DOCK8: variants seen among roughly 807,000 people sequenced by gnomAD.
The protein encoded by DOCK8 is dedicator of cytokinesis 8, also known as dedicator of cytokinesis protein 8.
DOCK8 carries 141 observed loss-of-function variants against 245.6 expected under a neutral mutation model. That is an observed-to-expected ratio of 0.57 (90% CI 0.50 to 0.66). The LOEUF is 0.66. Among genes scored for constraint, DOCK8 ranks in the 30% least tolerant of loss-of-function variants. The pLI, the probability that DOCK8 is intolerant of heterozygous loss-of-function variation, is 0.00. For missense variants in DOCK8, 2,965 were observed against 2,603.4 expected (o/e 1.14, Z -3.02); for synonymous variants, 1,168 against 970.2 (o/e 1.20, Z -3.79).
chr9:317,867 A>G (rs1563916751), intron 7 of DOCK8, among the ~76,000 whole-genome samples: 1 of 152,184 alleles, frequency 6.6e-6, no homozygotes, highest in Non-Finnish European at 1.5e-5. Context: ...TATAAACACC[A>G]TATAATTAAA....
chr9:245,869 A>G (rs2047494043), intron 1 of DOCK8, among the ~76,000 whole-genome samples: 1 of 152,202 alleles, frequency 6.6e-6, no homozygotes, highest in South Asian at 2.1e-4. Flanking sequence ...ACAAAATGAT[A>G]GGGGACTTTG....
Position 353,772 on chromosome 9 carries a change from G to T in DOCK8, c.1679+13451G>T, listed in dbSNP as rs149083871. Among the ~76,000 whole-genome samples, 1,116 of 152,258 alleles carry T rather than the reference G, an allele frequency of 7.3e-3. 6 individuals are homozygous for T. The highest frequency in any genetic ancestry group is 0.012 in the Non-Finnish European group (818 of 68,024). The stretch of plus-strand genomic sequence containing the variant: ...GTCTTGAGCAAAGCCAAGTATTATT[G>T]AAATGTTTATTTTGTTTTTATCTGC... On this transcript the variant is annotated intron_variant, in intron 14 of 47. Transcript: ENST00000432829.
At chr9:384,880 C>G (rs1302434414) in intron 22 of DOCK8, among the ~76,000 whole-genome samples, 2 of 152,152 alleles carry the variant, frequency 1.3e-5, no homozygotes, top group Admixed American at 6.5e-5. Context: ...CGTGCCACCG[C>G]ACTCCAGCCT....
intron 30 of DOCK8, chr9:420,041 T>C: frequency 5.8e-6 from 2 of 345,200 alleles, no homozygotes; most frequent in South Asian, 5.5e-5. Flanking sequence ...TTGGAGATCT[T>C]AGCAGCATGA....
At chr9:327,873 C>G in intron 8 of DOCK8, 149 bp from the exon 9 acceptor site, 2 of 731,854 alleles carry the variant, frequency 2.7e-6, no homozygotes, top group South Asian at 1.5e-5. Flanking sequence ...TCAGATTTAT[C>G]CAGGAGCCAC....
chr9:455,506 T>C (rs1004617076), intron 46 of DOCK8, among the ~76,000 whole-genome samples: 1 of 152,012 alleles, frequency 6.6e-6, no homozygotes, highest in African/African-American at 2.4e-5. Context: ...AAAGACCCTG[T>C]CTCAAAAAAA....
chr9:300,183 C>T (rs1434676699), intron 4 of DOCK8, among the ~76,000 whole-genome samples: 1 of 152,184 alleles, frequency 6.6e-6, no homozygotes, highest in Non-Finnish European at 1.5e-5. Flanking sequence ...TCCTGTTCTT[C>T]CTACAGACGT....
chr9:313,815 A>G (rs984389605), intron 6 of DOCK8, among the ~76,000 whole-genome samples: 5 of 152,270 alleles, frequency 3.3e-5, no homozygotes, highest in Non-Finnish European at 7.3e-5. Flanking sequence ...AATTAGCTTG[A>G]TTTAATCTTT....
chr9:425,949 A>G (rs2056483770), intron 33 of DOCK8, among the ~76,000 whole-genome samples: 1 of 152,134 alleles, frequency 6.6e-6, no homozygotes, highest in African/African-American at 2.4e-5. Flanking sequence ...TGCCCCCATT[A>G]TTAGGTTAAT....
chr9:428,672 A>G (rs1237886440), intron 35 of DOCK8, among the ~76,000 whole-genome samples, 176 bp downstream of exon 35: 3 of 152,250 alleles, frequency 2.0e-5, no homozygotes, highest in South Asian at 2.1e-4. Context: ...GGAAGCCACC[A>G]TGGAGAGGAA....
At chr9:412,610 TAC>T (rs1172118908) in intron 28 of DOCK8, among the ~76,000 whole-genome samples, 1 of 152,106 alleles carries the variant, frequency 6.6e-6, no homozygotes, top group Non-Finnish European at 1.5e-5. Context: ...TGTGTTTCTA[TAC>T]ACTTACGATG....
chr9:242,119 C>A (rs1052689382), intron 1 of DOCK8, among the ~76,000 whole-genome samples: 14 of 152,174 alleles, frequency 9.2e-5, no homozygotes, highest in African/African-American at 3.4e-4. Context: ...CATTTCATCT[C>A]TCTGGGCCTC....
At chr9:357,885 C>T (rs760777590) in intron 14 of DOCK8, among the ~76,000 whole-genome samples, 1 of 152,222 alleles carries the variant, frequency 6.6e-6, no homozygotes, top group African/African-American at 2.4e-5. Context: ...TCAACCTACA[C>T]ATCAGGAGTT....
intron 5 of DOCK8, among the ~76,000 whole-genome samples, chr9:307,200 C>T (rs1036299583): frequency 7.9e-5 from 12 of 152,160 alleles, no homozygotes; most frequent in African/African-American, 2.9e-4. Context: ...GCTGACCTAG[C>T]ATCAAAGAAC....
chr9:234,862 G>A (rs900811448), intron 1 of DOCK8, among the ~76,000 whole-genome samples: 1 of 152,022 alleles, frequency 6.6e-6, no homozygotes, highest in African/African-American at 2.4e-5. Context: ...GTAGCTCAGA[G>A]TAGTTTGATC....
intron 1 of DOCK8, among the ~76,000 whole-genome samples, chr9:247,135 A>G (rs551443576): frequency 9.2e-5 from 14 of 152,364 alleles, no homozygotes; most frequent in African/African-American, 2.6e-4. Context: ...CTTATTAAAA[A>G]CATTTACCAC....
At chr9:349,369 G>A (rs1378726877) in intron 14 of DOCK8, among the ~76,000 whole-genome samples, 1 of 152,174 alleles carries the variant, frequency 6.6e-6, no homozygotes, top group Non-Finnish European at 1.5e-5. Flanking sequence ...CTTTCAAAAT[G>A]TAAATTGAGA....
intron 28 of DOCK8, among the ~76,000 whole-genome samples, chr9:408,872 ACACACACACACACACG>A (rs2055564933): frequency 1.4e-5 from 1 of 69,740 alleles, no homozygotes; most frequent in Non-Finnish European, 3.3e-5. Flanking sequence ...ACACACACAC[ACACACACACACACACG>A]CACACACGCG....
At chr9:445,247 T>G (rs1472517580) in intron 43 of DOCK8, among the ~76,000 whole-genome samples, 1 of 152,224 alleles carries the variant, frequency 6.6e-6, no homozygotes, top group African/African-American at 2.4e-5. Flanking sequence ...CCTTTTCCCC[T>G]CTTTTAAAAT....
Sources: gnomAD v4.1 joint callset for allele counts (sites outside exome capture counted in the v4.1 genomes callset) on GRCh38, gnomAD v4.1.1 for gene constraint, MANE v1.5 for transcripts, NCBI Gene and HGNC (gene_info 2026-07-23, HGNC 2026-07-21) for gene names.